ARK2N: variants seen among roughly 807,000 people sequenced by gnomAD.
ARK2N encodes the protein arkadia (RNF111) N-terminal like PKA signaling regulator 2N.
At chr18:46,208,777 A>G in the ARK2N span, among the ~76,000 whole-genome samples, 3 of 152,124 alleles carry the variant, frequency 2.0e-5, no homozygotes, top group African/African-American at 7.2e-5. Context: ...CTGTTCTTAA[A>G]TCTTTTATGT....
chr18:46,178,362 G>A, the ARK2N span, among the ~76,000 whole-genome samples: 1 of 152,100 alleles, frequency 6.6e-6, no homozygotes, highest in African/African-American at 2.4e-5. Context: ...GCCCAGGCTG[G>A]AGTGCAATGG....
the ARK2N span, among the ~76,000 whole-genome samples, chr18:46,204,715 A>G: frequency 1.3e-5 from 2 of 152,170 alleles, no homozygotes; most frequent in African/African-American, 4.8e-5. Flanking sequence ...ACATGAATGT[A>G]GAGGAAAATC....
the ARK2N span, among the ~76,000 whole-genome samples, chr18:46,174,946 G>C: frequency 6.6e-6 from 1 of 152,230 alleles, no homozygotes; most frequent in African/African-American, 2.4e-5. Flanking sequence ...ACCTTCGGTC[G>C]GCAGGCGCCT....
chr18:46,199,933 T>C, the ARK2N span, among the ~76,000 whole-genome samples: 1 of 152,180 alleles, frequency 6.6e-6, no homozygotes, highest in Non-Finnish European at 1.5e-5. Flanking sequence ...AGCTTGTGTG[T>C]GTGATTTCTA....
At chr18:46,229,176 CAG>C in the ARK2N span, among the ~76,000 whole-genome samples, 1 of 151,244 alleles carries the variant, frequency 6.6e-6, no homozygotes, top group East Asian at 1.9e-4. Flanking sequence ...TCAGTTTTTG[CAG>C]AGTGCTTTGA....
At chr18:46,262,991 C>T in the ARK2N span, 14 of 1,614,114 alleles carry the variant, frequency 8.7e-6, no homozygotes, top group Middle Eastern at 1.6e-4. Flanking sequence ...GGCTCGGGCA[C>T]GCAGTATGTT....
At chr18:46,190,475 C>T in the ARK2N span, among the ~76,000 whole-genome samples, 8 of 119,000 alleles carry the variant, frequency 6.7e-5, no homozygotes, top group East Asian at 1.8e-3. Flanking sequence ...GCAACAAGAG[C>T]GAAACTCTGT....
the ARK2N span, among the ~76,000 whole-genome samples, chr18:46,175,201 C>T: frequency 2.7e-5 from 4 of 145,610 alleles, no homozygotes; most frequent in East Asian, 8.8e-4. Context: ...ACGAGCCCTA[C>T]CAGATCCTTG....
At chr18:46,230,041 T>C in the ARK2N span, among the ~76,000 whole-genome samples, 1 of 152,306 alleles carries the variant, frequency 6.6e-6, no homozygotes, top group Admixed American at 6.5e-5. Context: ...TTCTCCTGCC[T>C]CAGCCTACTG....
the ARK2N span, among the ~76,000 whole-genome samples, chr18:46,187,043 G>A: frequency 6.7e-6 from 1 of 149,606 alleles, no homozygotes; most frequent in Admixed American, 6.7e-5. Flanking sequence ...TGTTAGAGAC[G>A]GGGTTTCTCC....
At chr18:46,209,693 T>A in the ARK2N span, among the ~76,000 whole-genome samples, 1 of 152,150 alleles carries the variant, frequency 6.6e-6, no homozygotes, top group Non-Finnish European at 1.5e-5. Flanking sequence ...CCTCCCGGGT[T>A]CAAGTGATTC....
At chr18:46,187,335 A>G in the ARK2N span, among the ~76,000 whole-genome samples, 2 of 132,196 alleles carry the variant, frequency 1.5e-5, no homozygotes, top group South Asian at 5.4e-4. Flanking sequence ...ATAATGTTTT[A>G]TATGATAACT....
the ARK2N span, among the ~76,000 whole-genome samples, chr18:46,181,050 A>G: frequency 2.0e-5 from 3 of 152,128 alleles, no homozygotes; most frequent in African/African-American, 7.2e-5. Flanking sequence ...TCACAAGATC[A>G]GGAGTTCGAA....
At chr18:46,215,989 C>T in the ARK2N span, 1 of 1,614,156 alleles carries the variant, frequency 6.2e-7, no homozygotes, top group South Asian at 1.1e-5. Flanking sequence ...ATCTGTAGAA[C>T]TGGAATCTCA....
At chr18:46,221,391 CA>C in the ARK2N span, among the ~76,000 whole-genome samples, 2,686 of 118,136 alleles carry the variant, frequency 0.023, 66 homozygotes, top group African/African-American at 0.072. Context: ...ACTAAAAATA[CA>C]AAAAAAAAAA....
At chr18:46,189,560 G>A in the ARK2N span, among the ~76,000 whole-genome samples, 1 of 152,178 alleles carries the variant, frequency 6.6e-6, no homozygotes, top group East Asian at 1.9e-4. Context: ...TGAATAGTTG[G>A]TACTGCAGGC....
At chr18:46,193,155 A>C in the ARK2N span, among the ~76,000 whole-genome samples, 2 of 152,084 alleles carry the variant, frequency 1.3e-5, no homozygotes, top group South Asian at 2.1e-4. Flanking sequence ...CAACAGAGTG[A>C]GACTCTGTCT....
chr18:46,194,471 T>G, the ARK2N span, among the ~76,000 whole-genome samples: 19 of 150,872 alleles, frequency 1.3e-4, no homozygotes, highest in Middle Eastern at 3.4e-3. Context: ...TTTTTGTTTT[T>G]TTTTTTGTTT....
chr18:46,214,200 A>G, the ARK2N span, among the ~76,000 whole-genome samples: 2 of 152,212 alleles, frequency 1.3e-5, no homozygotes, highest in African/African-American at 4.8e-5. Context: ...AGGATTTTGC[A>G]AATATTTCCT....
Sources: gnomAD v4.1 joint callset for allele counts (sites outside exome capture counted in the v4.1 genomes callset) on GRCh38, gnomAD v4.1.1 for gene constraint, MANE v1.5 for transcripts, NCBI Gene and HGNC (gene_info 2026-07-23, HGNC 2026-07-21) for gene names.